ZC3H12B: variants seen among roughly 807,000 people sequenced by gnomAD.
ZC3H12B encodes probable ribonuclease ZC3H12B.
A neutral mutation model predicts 43.9 loss-of-function variants in ZC3H12B; 7 were observed. That is an observed-to-expected ratio of 0.16 (90% CI 0.09 to 0.30). ZC3H12B has a LOEUF of 0.30. Ranked by LOEUF, ZC3H12B falls within the 10% of genes least tolerant of loss-of-function variation. The pLI is 1.00. For synonymous variants in ZC3H12B, 222 were observed against 241.7 expected (o/e 0.92, Z 0.76); for missense variants, 475 against 670.2 (o/e 0.71, Z 3.22).
At chrX:65,049,566 T>A in the ZC3H12B span, among the ~76,000 whole-genome samples, 2 of 111,785 alleles carry the variant, frequency 1.8e-5, no homozygotes, top group East Asian at 5.6e-4. Context: ...CTGTTTTGAT[T>A]ACTGTAGCTT....
chrX:65,189,641 G>T, the ZC3H12B span, among the ~76,000 whole-genome samples: 8 of 102,292 alleles, frequency 7.8e-5, no homozygotes, highest in East Asian at 2.1e-3. Context: ...TTTTGATGGG[G>T]TTGTTTGTTT....
chrX:65,458,755 C>T (rs2067678217), intron 3 of ZC3H12B, among the ~76,000 whole-genome samples: 1 of 111,613 alleles, frequency 9.0e-6, no homozygotes, highest in Admixed American at 9.5e-5. Context: ...CAAGAGAAAG[C>T]AGGAAGGATC....
intron 2 of ZC3H12B, among the ~76,000 whole-genome samples, chrX:65,379,588 C>T (rs5918942): frequency 0.075 from 8,366 of 112,293 alleles, 342 homozygotes; most frequent in Non-Finnish European, 0.12. Flanking sequence ...TCACCAGCAA[C>T]GGAACAAAGC....
chrX:65,133,969 A>C, the ZC3H12B span, among the ~76,000 whole-genome samples: 1 of 111,319 alleles, frequency 9.0e-6, no homozygotes. Context: ...GGAGAAATCA[A>C]AAGTGCCATT....
chrX:65,296,292 T>G, the ZC3H12B span, among the ~76,000 whole-genome samples: 1 of 110,969 alleles, frequency 9.0e-6, no homozygotes, highest in Non-Finnish European at 1.9e-5. Flanking sequence ...CACGCAGATG[T>G]GGGAACTAAG....
At chrX:65,226,708 CAAAA>C in the ZC3H12B span, among the ~76,000 whole-genome samples, 2 of 110,112 alleles carry the variant, frequency 1.8e-5, no homozygotes, top group African/African-American at 6.6e-5. Flanking sequence ...AAATGGAAAA[CAAAA>C]AAAGGCAGGG....
the ZC3H12B span, among the ~76,000 whole-genome samples, chrX:65,068,772 G>T: frequency 1.5e-3 from 170 of 111,577 alleles, 1 homozygote; most frequent in Non-Finnish European, 1.9e-3. Context: ...CTTTCTGGTT[G>T]AAGTGTGCCG....
the ZC3H12B span, among the ~76,000 whole-genome samples, chrX:65,141,701 G>C: frequency 9.1e-6 from 1 of 110,328 alleles, no homozygotes; most frequent in Non-Finnish European, 1.9e-5. Context: ...AACATCCACT[G>C]TGTCATTCTT....
At chrX:65,233,063 T>C in the ZC3H12B span, among the ~76,000 whole-genome samples, 1 of 112,289 alleles carries the variant, frequency 8.9e-6, no homozygotes, top group Non-Finnish European at 1.9e-5. Context: ...TAAATATTTA[T>C]GTGCCCAACA....
the ZC3H12B span, among the ~76,000 whole-genome samples, chrX:65,296,327 A>G: frequency 9.0e-6 from 1 of 110,863 alleles, no homozygotes. Flanking sequence ...AGACATAAGG[A>G]TACATTGGAA....
At chrX:65,201,257 T>C in the ZC3H12B span, among the ~76,000 whole-genome samples, 1 of 111,674 alleles carries the variant, frequency 9.0e-6, no homozygotes, top group Non-Finnish European at 1.9e-5. Flanking sequence ...GGATTCAATC[T>C]GTTCCTTGTT....
At chrX:65,308,996 GA>G in the ZC3H12B span, among the ~76,000 whole-genome samples, 2 of 111,725 alleles carry the variant, frequency 1.8e-5, no homozygotes, top group Non-Finnish European at 3.8e-5. Context: ...GCAGTGTGTA[GA>G]GGGAAATTTA....
the ZC3H12B span, among the ~76,000 whole-genome samples, chrX:65,301,994 T>C: frequency 9.0e-6 from 1 of 111,517 alleles, no homozygotes; most frequent in Non-Finnish European, 1.9e-5. Context: ...AAAAAAACTT[T>C]TTAGCAAACC....
the ZC3H12B span, among the ~76,000 whole-genome samples, chrX:65,355,027 G>T: frequency 2.7e-5 from 3 of 111,920 alleles, no homozygotes; most frequent in Middle Eastern, 0.014. Context: ...AACCAAGTTG[G>T]AAAACACTCT....
At chrX:65,489,206 A>G in exon 1 of ZC3H12B, 1 of 1,211,737 alleles carries the variant, frequency 8.3e-7, no homozygotes, top group Non-Finnish European at 1.1e-6. Context: ...TGGGCCCAGA[A>G]TCACTTATTA....
chrX:65,411,649 C>G (rs1449129028), intron 3 of ZC3H12B, among the ~76,000 whole-genome samples: 1 of 110,070 alleles, frequency 9.1e-6, no homozygotes, highest in East Asian at 2.8e-4. Flanking sequence ...TCACTTGAAC[C>G]CAGGAGGCAG....
chrX:65,114,743 T>A, the ZC3H12B span, among the ~76,000 whole-genome samples: 3 of 110,311 alleles, frequency 2.7e-5, no homozygotes, highest in Non-Finnish European at 5.7e-5. Context: ...GTTCATTGAT[T>A]TATCTGATTT....
chrX:65,086,788 C>G, the ZC3H12B span, among the ~76,000 whole-genome samples: 14 of 111,509 alleles, frequency 1.3e-4, no homozygotes, highest in African/African-American at 4.6e-4. Flanking sequence ...TATAAGCTAC[C>G]CAATTTATGG....
At chrX:65,316,896 A>T in the ZC3H12B span, among the ~76,000 whole-genome samples, 3 of 111,856 alleles carry the variant, frequency 2.7e-5, no homozygotes, top group African/African-American at 9.8e-5. Context: ...TGTCTTCAAG[A>T]GATCCATCTC....
Sources: allele counts gnomAD v4.1 joint callset (sites outside exome capture counted in the v4.1 genomes callset), GRCh38; gene constraint gnomAD v4.1.1; transcripts MANE v1.5; gene names NCBI Gene and HGNC (gene_info 2026-07-23, HGNC 2026-07-21).